Variants in TMPRSS9 observed in about 807,000 individuals in gnomAD.
The protein encoded by TMPRSS9 is transmembrane serine protease 9.
In TMPRSS9, 113 loss-of-function variants were observed where a neutral mutation model predicts 111.4. The observed-to-expected ratio is 1.01, with a 90% CI of 0.87 to 1.19. TMPRSS9 has a LOEUF of 1.19. Ranked by LOEUF, TMPRSS9 falls within the 50% of genes most tolerant of loss-of-function variation. TMPRSS9 has a pLI of 0.00. For missense variants in TMPRSS9, 1,803 were observed against 1,513.1 expected (o/e 1.19, Z -3.18); for synonymous variants, 805 against 659.1 (o/e 1.22, Z -3.39).
exon 12 of TMPRSS9, chr19:2,416,634 G>A: frequency 6.2e-7 from 1 of 1,612,812 alleles, no homozygotes; most frequent in Non-Finnish European, 8.5e-7. Context: ...GGGTAGTGCT[G>A]CACCCCCTCT....
chr19:2,425,099 C>T (rs1971579352), exon 16 of TMPRSS9: 2 of 1,583,558 alleles, frequency 1.3e-6, no homozygotes, highest in African/African-American at 1.3e-5. Flanking sequence ...CTACAAGCAC[C>T]CGTTCTACAA....
chr19:2,418,251 C>A lies in TMPRSS9; in HGVS notation c.2154+113C>A, dbSNP rs565522607. 25 of 1,125,994 alleles carry A rather than the reference C, an allele frequency of 2.2e-5. 2 individuals are homozygous for A. The highest frequency in any genetic ancestry group is 1.6e-4 in the South Asian group (11 of 67,632). 69.8% of individuals were successfully genotyped at this position (1,125,994 alleles called of 1,614,324 possible). The stretch of plus-strand genomic sequence containing the variant: ...TTTTTTTCCTTTCTTTCCTTCCCCC[C>A]CTCCTTCCCTCCTTGTCCTTCCCTC... On this transcript the variant is annotated intron_variant, in intron 13 of 17. Coordinates refer to ENST00000648592, the Ensembl canonical transcript of TMPRSS9.
At chr19:2,373,691 G>C (rs1464834635) in intron 1 of TMPRSS9, among the ~76,000 whole-genome samples, 1 of 152,076 alleles carries the variant, frequency 6.6e-6, no homozygotes, top group Non-Finnish European at 1.5e-5. Context: ...GTAGAGACGG[G>C]GTTTCGCCAT....
intron 14 of TMPRSS9, 93 bp from the exon 16 acceptor site, chr19:2,423,996 C>T: frequency 1.6e-6 from 2 of 1,226,908 alleles, no homozygotes; most frequent in South Asian, 3.6e-5. Flanking sequence ...CCCTGGGGCT[C>T]CCAGGGGGAT....
intron 6 of TMPRSS9, 67 bp downstream of exon 7, chr19:2,403,262 G>A (rs1970893910): frequency 3.7e-6 from 5 of 1,345,054 alleles, no homozygotes; most frequent in Non-Finnish European, 5.2e-6. Context: ...GCTGGCTCTG[G>A]TCTGTGGTCA....
chr19:2,412,173 C>T (rs746051114), intron 9 of TMPRSS9, among the ~76,000 whole-genome samples: 16 of 152,018 alleles, frequency 1.1e-4, no homozygotes, highest in Non-Finnish European at 2.2e-4. Context: ...GCAGCCAGGT[C>T]GCTTGAGGCC....
intron 10 of TMPRSS9, among the ~76,000 whole-genome samples, chr19:2,414,482 C>A (rs1165096045): frequency 6.6e-6 from 1 of 152,086 alleles, no homozygotes; most frequent in Non-Finnish European, 1.5e-5. Flanking sequence ...TCATCATCTG[C>A]CCACCTCAGC....
chr19:2,424,324 C>T (rs1568194296), intron 15 of TMPRSS9, 67 bp downstream of exon 16: 21 of 1,275,932 alleles, frequency 1.6e-5, no homozygotes, highest in South Asian at 3.1e-5. Context: ...AACTGTTGCC[C>T]GAAAACGCAC....
At chr19:2,415,953 C>T in intron 11 of TMPRSS9, 112 bp downstream of exon 12, 1 of 1,280,654 alleles carries the variant, frequency 7.8e-7, no homozygotes, top group Non-Finnish European at 1.0e-6. Context: ...GGGAGCAGCC[C>T]TTCCTCTCCT....
At chr19:2,387,700 G>A (rs558741211), upstream of TMPRSS9, among the ~76,000 whole-genome samples, 3 of 152,092 alleles carry the variant, frequency 2.0e-5, no homozygotes, top group Non-Finnish European at 4.4e-5. Context: ...AGCCGAGATC[G>A]CACCACAGCA....
chr19:2,390,847 T>C (rs1421118651), intron 1 of TMPRSS9, among the ~76,000 whole-genome samples: 5 of 151,046 alleles, frequency 3.3e-5, no homozygotes, highest in Non-Finnish European at 5.9e-5. Flanking sequence ...AGTGAGACTC[T>C]ATCTCAAAAA....
At chr19:2,416,395 C>T in intron 11 of TMPRSS9, 143 bp from the exon 13 acceptor site, 1 of 1,113,070 alleles carries the variant, frequency 9.0e-7, no homozygotes, top group Non-Finnish European at 1.2e-6. Context: ...TGGTCCTCCT[C>T]CCTGGAGCCG....
intron 1 of TMPRSS9, among the ~76,000 whole-genome samples, chr19:2,393,966 GC>G (rs1270484557): frequency 6.6e-6 from 1 of 150,786 alleles, no homozygotes; most frequent in African/African-American, 2.4e-5. Flanking sequence ...ACTCTGGGAG[GC>G]CGGGTTGGGC....
At chr19:2,390,043 G>A (rs964035328) in intron 1 of TMPRSS9, 116 bp downstream of exon 2, 58 of 1,390,130 alleles carry the variant, frequency 4.2e-5, no homozygotes, top group Middle Eastern at 2.0e-4. Flanking sequence ...GTGTCTAGGC[G>A]TGGAGATGAA....
intron 1 of TMPRSS9, among the ~76,000 whole-genome samples, chr19:2,373,923 T>A (rs1192089201): frequency 2.6e-5 from 4 of 152,240 alleles, no homozygotes; most frequent in Non-Finnish European, 5.9e-5. Flanking sequence ...TGTCAGCTTT[T>A]CACTGAAGCA....
At chr19:2,425,579 G>A in intron 17 of TMPRSS9, 86 bp downstream of exon 18, 1 of 1,400,958 alleles carries the variant, frequency 7.1e-7, no homozygotes, top group Non-Finnish European at 9.3e-7. Flanking sequence ...CCACCATCCG[G>A]GAGCCACCCT....
At chr19:2,414,936 T>C (rs985346520) in intron 10 of TMPRSS9, among the ~76,000 whole-genome samples, 1 of 147,472 alleles carries the variant, frequency 6.8e-6, no homozygotes, top group Non-Finnish European at 1.5e-5. Flanking sequence ...GTTAGTTGCA[T>C]TCCTATTTTT....
intron 1 of TMPRSS9, among the ~76,000 whole-genome samples, chr19:2,394,719 A>G (rs1170347924): frequency 6.6e-6 from 1 of 152,176 alleles, no homozygotes; most frequent in Non-Finnish European, 1.5e-5. Flanking sequence ...GATAAACGGA[A>G]TTGGGACCCA....
rs898383465 is a variant in TMPRSS9 at position 2,414,170 on chromosome 19, T to C, written c.1573+152T>C. ...GTTTATTCCCATCTTACGTTGCGTG[T>C]ACCCTCATGGTATCTTTCTGTCCAC... On this transcript the variant is annotated intron_variant, in intron 10 of 17. Coordinates refer to ENST00000648592, the Ensembl canonical transcript of TMPRSS9. 1.0e-4 allele frequency: 81 copies of C among 776,136 alleles called. No homozygotes were observed. The African/African-American group carries it at 1.3e-3, about 13-fold the overall frequency. 48.1% of individuals were successfully genotyped at this position (776,136 alleles called of 1,614,324 possible). A position where few individuals can be genotyped will look rare whatever the true frequency, so the allele number is the denominator to read the frequency against.
Sources: gnomAD v4.1 joint callset for allele counts (sites outside exome capture counted in the v4.1 genomes callset) on GRCh38, gnomAD v4.1.1 for gene constraint, MANE v1.5 for transcripts, NCBI Gene and HGNC (gene_info 2026-07-23, HGNC 2026-07-21) for gene names.